NUP98: variants seen among roughly 807,000 people sequenced by gnomAD.
NUP98 encodes nuclear pore complex protein Nup98-Nup96.
Under a neutral mutation model 191.9 loss-of-function variants are expected in NUP98, and 26 were observed. That is an observed-to-expected ratio of 0.14 (90% CI 0.10 to 0.19). NUP98 has a LOEUF of 0.19. Among genes scored for constraint, NUP98 ranks in the 10% least tolerant of loss-of-function variants. The pLI is 1.00. For synonymous variants in NUP98, 808 were observed against 778.4 expected (o/e 1.04, Z -0.63); for missense variants, 1,941 against 2,178.8 (o/e 0.89, Z 2.17).
intron 7 of NUP98, among the ~76,000 whole-genome samples, chr11:3,770,684 T>G (rs2081500649): frequency 6.6e-6 from 1 of 152,098 alleles, no homozygotes; most frequent in Non-Finnish European, 1.5e-5. Flanking sequence ...CCTCTGGTTA[T>G]TTAGTTTTCT....
chr11:3,691,460 G>A lies in NUP98; in HGVS notation c.4341C>T (p.Cys1447=). 6.2e-7 allele frequency: 1 copy of A among 1,614,148 alleles called. No homozygotes were observed. The highest frequency in any genetic ancestry group is 2.2e-5 in the East Asian group (1 of 44,888). ...QNTSDSDRYA[C]SPLPSYLEGS... ...CCTCCAGATACGAAGGAAGTGGGGA[G>A]CAGGCATATCTGTCACTGTCAGAGG... The change falls in exon 28 of 33, where the codon TGC becomes TGT. Residue 1447 remains cysteine, a synonymous_variant. Transcript: ENST00000324932.
intron 22 of NUP98, among the ~76,000 whole-genome samples, chr11:3,704,772 G>A (rs1042750575): frequency 1.3e-5 from 2 of 152,220 alleles, no homozygotes; most frequent in Non-Finnish European, 2.9e-5. Context: ...TTGGGAAGCT[G>A]AGGCAGGATG....
rs1158027078 is a variant in NUP98 at position 3,749,233 on chromosome 11, G to A, written c.1267+4083C>T. Among the ~76,000 whole-genome samples the A allele has an allele frequency of 8.6e-4, 130 of 151,414 alleles. 1 individual carries two copies. Among genetic ancestry groups the A allele is most frequent in the East Asian group, 5.8e-4 (3 of 5,138 alleles). ...TGAGGCAGGAGAATGGCGTGAACCC[G>A]GGAAGCGGAGCTTGCAGTGAGCCGA... On this transcript the variant is annotated intron_variant, in intron 11 of 32. Transcript: ENST00000324932.
chr11:3,681,647 TTAAAG>T (rs1454197294), intron 30 of NUP98, among the ~76,000 whole-genome samples: 5 of 152,142 alleles, frequency 3.3e-5, no homozygotes, highest in African/African-American at 1.2e-4. Context: ...AACAGTGGGC[TTAAAG>T]TATTCAGTAA....
chr11:3,698,313 A>T (rs1034944641), intron 25 of NUP98, among the ~76,000 whole-genome samples: 13 of 152,246 alleles, frequency 8.5e-5, no homozygotes, highest in African/African-American at 3.1e-4. Flanking sequence ...AGTAGTAGTC[A>T]CAGGATTTGG....
intron 16 of NUP98, 160 bp from the exon 17 acceptor site, chr11:3,720,985 T>TGTGTGC: frequency 2.1e-6 from 1 of 476,992 alleles, no homozygotes; most frequent in South Asian, 3.0e-5. Context: ...AGTGTGTGTG[T>TGTGTGC]GTGTGTGTGT....
intron 28 of NUP98, 149 bp from the exon 29 acceptor site, chr11:3,686,343 A>C (rs2078132044): frequency 1.5e-6 from 1 of 679,858 alleles, no homozygotes; most frequent in East Asian, 2.7e-5. Context: ...ATGTTTTATC[A>C]ATCTATCTCT....
At chr11:3,705,425 A>G in intron 21 of NUP98, 69 bp from the exon 22 acceptor site, 2 of 1,515,016 alleles carry the variant, frequency 1.3e-6, no homozygotes, top group East Asian at 4.5e-5. Context: ...AAAAAAATGC[A>G]GTTTACAACA....
chr11:3,692,681 C>G (rs1398436627), intron 27 of NUP98, among the ~76,000 whole-genome samples: 1 of 152,114 alleles, frequency 6.6e-6, no homozygotes, highest in Non-Finnish European at 1.5e-5. Flanking sequence ...CATCTGTCTT[C>G]AATGGACTGG....
chr11:3,767,072 C>T (rs572933012), intron 8 of NUP98, among the ~76,000 whole-genome samples: 1 of 152,290 alleles, frequency 6.6e-6, no homozygotes, highest in South Asian at 2.1e-4. Context: ...TTAAGCAATT[C>T]TCCTGCCTCA....
chr11:3,689,942 T>A (rs1440256105), intron 28 of NUP98, among the ~76,000 whole-genome samples: 1 of 71,476 alleles, frequency 1.4e-5, no homozygotes, highest in Non-Finnish European at 2.8e-5. Flanking sequence ...TGGCCTGCAT[T>A]TTTTTTTTTT....
chr11:3,711,691 T>C (rs1199877411), intron 20 of NUP98: 3 of 251,748 alleles, frequency 1.2e-5, no homozygotes, highest in Non-Finnish European at 2.0e-5. Context: ...AGCATTTCAT[T>C]TGTCAATGGA....
intron 2 of NUP98, among the ~76,000 whole-genome samples, chr11:3,780,895 C>T (rs1371089847): frequency 6.6e-6 from 1 of 152,024 alleles, no homozygotes; most frequent in African/African-American, 2.4e-5. Context: ...CCCTGGCCAA[C>T]ATGGTGAAAC....
chr11:3,779,316 C>A, intron 2 of NUP98, 59 bp from the exon 3 acceptor site: 2 of 1,300,588 alleles, frequency 1.5e-6, no homozygotes, highest in South Asian at 1.2e-5. Flanking sequence ...GTAAGATGAC[C>A]AAATGAAAAG....
Position 3,686,071 on chromosome 11 carries a change from C to G in NUP98, c.4578G>C (p.Gln1526His). The G allele has an allele frequency of 6.2e-7, 1 of 1,614,206 alleles. No homozygotes were observed. The highest frequency in any genetic ancestry group is 8.5e-7 in the Non-Finnish European group (1 of 1,180,042). The stretch of plus-strand genomic sequence containing the variant: ...AACTGGCCTGTAGCACACCTTCACA[C>G]TGCGCTGAGAGATGGGTGTAGTTAA... ...RALNYTHLSA[Q>H]CEGVLQASYA... Residue 1526 changes from glutamine (Q) to histidine (H), a missense_variant, in exon 29 of 33, where the codon CAG becomes CAC. Physicochemically the swap from Gln to His is conservative, Grantham distance 24 (BLOSUM62 0). This residue lies in a region of NUP98 where 1,030 missense variants were observed against 1,115.8 expected (regional missense o/e 0.92). Coordinates refer to ENST00000324932, the MANE Select transcript of NUP98 (RefSeq NM_016320.5).
At chr11:3,684,765 C>CA (rs2078087623) in intron 29 of NUP98, among the ~76,000 whole-genome samples, 1 of 34,958 alleles carries the variant, frequency 2.9e-5, no homozygotes, top group African/African-American at 1.4e-4. Context: ...CTTTCACAGG[C>CA]CAAAAAAAAA....
chr11:3,741,793 A>G (rs1330748139), intron 12 of NUP98, among the ~76,000 whole-genome samples: 1 of 152,242 alleles, frequency 6.6e-6, no homozygotes, highest in African/African-American at 2.4e-5. Flanking sequence ...GGCACAGGTC[A>G]CAAGAAGCAC....
In NUP98 at chr11:3,762,322, A is replaced by C. The variant is rs1174015357; in HGVS notation, c.1086+580T>G. Among the ~76,000 whole-genome samples, 15 of 149,876 alleles carry C rather than the reference A, an allele frequency of 1.0e-4. No individual in the cohort carries two copies. The Admixed American group carries it at 1.0e-3, about 10-fold the overall frequency. On this transcript the variant is annotated intron_variant, in intron 9 of 32. Coordinates refer to ENST00000324932, the MANE Select transcript of NUP98 (RefSeq NM_016320.5). ...TTTTTAGGAGAGACGGGGTTTCACC[A>C]TGTTGGCCAGATTGGTCTCGAATTC... is the stretch of plus-strand genomic sequence containing the variant.
chr11:3,777,317 G>C (rs1181695628), intron 4 of NUP98, among the ~76,000 whole-genome samples: 1 of 152,094 alleles, frequency 6.6e-6, no homozygotes, highest in African/African-American at 2.4e-5. Context: ...GAAAGTATGA[G>C]AGACACTACT....
Sources: allele counts gnomAD v4.1 joint callset (sites outside exome capture counted in the v4.1 genomes callset), GRCh38; gene constraint gnomAD v4.1.1; regional missense constraint gnomAD v4.1.1; transcripts MANE v1.5; gene names NCBI Gene and HGNC (gene_info 2026-07-23, HGNC 2026-07-21).